The following CLN5 variants were observed in gnomAD, a reference collection of about 807,000 sequenced individuals.
CLN5 encodes bis(monoacylglycero)phosphate synthase CLN5.
A neutral mutation model predicts 36.7 loss-of-function variants in CLN5; 34 were observed. The observed-to-expected ratio is 0.93, with a 90% CI of 0.71 to 1.23. The LOEUF (loss-of-function observed/expected upper bound fraction) is 1.23, where lower values mean the gene tolerates loss of function less well. Ranked by LOEUF, CLN5 falls within the 50% of genes most tolerant of loss-of-function variation. CLN5 has a pLI of 0.00. For synonymous variants in CLN5, 151 were observed against 155.1 expected (o/e 0.97, Z 0.20); for missense variants, 427 against 439.4 (o/e 0.97, Z 0.25).
chr13:76,995,871 T>A (rs746585023), intron 2 of CLN5, 31 bp from the exon 3 acceptor site: 28 of 1,569,162 alleles, frequency 1.8e-5, no homozygotes, highest in Admixed American at 3.3e-5. Flanking sequence ...TGTGTCACAG[T>A]TGCTTTTATA....
In CLN5 at chr13:77,002,319, C is replaced by T. The variant is rs1443852098; in HGVS notation, c.*1350C>T. 6.6e-6 allele frequency: 1 copy of T among 152,144 alleles called. No homozygotes were observed. The allele number at this position is 152,144 out of a possible 1,614,324, so 9.4% of individuals were successfully genotyped here. ...GTAGTAATGAAGTCAGGTCTTGAAC[C>T]CCGGTTCTGCTGACTGAATTGGATG... On this transcript the variant is annotated 3_prime_UTR_variant, in exon 4 of 4. Coordinates refer to ENST00000377453, the MANE Select transcript of CLN5 (RefSeq NM_006493.4).
In CLN5 at chr13:77,002,828, A is replaced by G. The variant is rs905320621; in HGVS notation, c.*1859A>G. 1.3e-5 allele frequency: 2 copies of G among 152,186 alleles called. No homozygotes were observed. The highest frequency in any genetic ancestry group is 4.8e-5 in the African/African-American group (2 of 41,440). The allele number at this position is 152,186 out of a possible 1,614,324, so 9.4% of individuals were successfully genotyped here. A position where few individuals can be genotyped will look rare whatever the true frequency, so the allele number is the denominator to read the frequency against. The stretch of plus-strand genomic sequence containing the variant: ...ACACGAACTTCTACCAAACTCAGGA[A>G]ATTGCTCTGGAAAAACTACAGGATT... On this transcript the variant is annotated 3_prime_UTR_variant, in exon 4 of 4. Coordinates refer to ENST00000377453, the MANE Select transcript of CLN5 (RefSeq NM_006493.4).
Position 77,001,132 on chromosome 13 carries a change from G to C in CLN5, c.*163G>C, listed in dbSNP as rs994401189. On this transcript the variant is annotated 3_prime_UTR_variant, in exon 4 of 4. Coordinates refer to ENST00000377453, the MANE Select transcript of CLN5 (RefSeq NM_006493.4). ...ATTAACATCTCAGGACTCTTCTCTTGTAAAGAAGCTGAAATTCGTACTATA... is the reference window on the plus strand; with the variant it reads ...ATTAACATCTCAGGACTCTTCTCTTCTAAAGAAGCTGAAATTCGTACTATA... The C allele has an allele frequency of 1.7e-6, 1 of 602,882 alleles. No individual in the cohort carries two copies. The highest frequency in any genetic ancestry group is 1.9e-5 in the African/African-American group (1 of 53,550). The allele number at this position is 602,882 out of a possible 1,614,324, so 37.3% of individuals were successfully genotyped here.
At chr13:77,000,354 T>C in intron 3 of CLN5, 104 bp from the exon 4 acceptor site, 1 of 1,099,426 alleles carries the variant, frequency 9.1e-7, no homozygotes, top group East Asian at 2.6e-5. Flanking sequence ...CACCGCACTC[T>C]AGCCTCGGCA....
rs1409904698 is a variant in CLN5, at chr13:76,992,142, G to GGGGCGC, written c.53_58dup (p.Gly18_Ala19dup). 6.7e-5 allele frequency: 107 copies of GGGGCGC among 1,608,444 alleles called. 1 individual carries two copies. The highest frequency in any genetic ancestry group is 6.5e-5 in the Non-Finnish European group (76 of 1,178,114). On this transcript the variant is annotated inframe_insertion, in exon 1 of 4. Coordinates refer to ENST00000377453, the MANE Select transcript of CLN5 (RefSeq NM_006493.4). Reference sequence around the variant, plus strand: ...ACGGCACAGGGCGCCGAGATGCGGCGGGGCGCGGGCGCGGCTCGGGGACGC... The same window carrying GGGGCGC: ...ACGGCACAGGGCGCCGAGATGCGGCGGGGCGCGGGCGCGGGCGCGGCTCGGGGACGC...
Position 77,002,881 on chromosome 13 carries a change from A to G in CLN5, c.*1912A>G, listed in dbSNP as rs1027763992. On this transcript the variant is annotated 3_prime_UTR_variant, in exon 4 of 4. Transcript: ENST00000377453. ...GGATTTCCAGAACTGCCTTGAAGAG[A>G]CAAAGATTCTTGTACCAAGTTTTGG... 1 of 152,194 alleles carries G rather than the reference A, an allele frequency of 6.6e-6. No individual in the cohort carries two copies. Among genetic ancestry groups the G allele is most frequent in the African/African-American group, 2.4e-5 (1 of 41,450 alleles). 9.4% of individuals were successfully genotyped at this position (152,194 alleles called of 1,614,324 possible).
chr13:76,993,002 C>T (rs1323172461), intron 1 of CLN5: 1 of 152,182 alleles, frequency 6.6e-6, no homozygotes, highest in Non-Finnish European at 1.5e-5. Flanking sequence ...GGAGAAAGAC[C>T]AGCAGTTTTT....
At chr13:76,997,152 G>A (rs567814866) in intron 3 of CLN5, 3 of 124,614 alleles carry the variant, frequency 2.4e-5, no homozygotes, top group Admixed American at 7.3e-5. Flanking sequence ...TGTTGTTGTT[G>A]TTTGTTTGTT....
At chr13:76,997,967 G>A (rs2034296159) in intron 3 of CLN5, 1 of 152,194 alleles carries the variant, frequency 6.6e-6, no homozygotes, top group South Asian at 2.1e-4. Flanking sequence ...GCACTGTTCT[G>A]AGTACTGTAC....
At chr13:76,996,401 C>A in intron 3 of CLN5, 1 of 428,426 alleles carries the variant, frequency 2.3e-6, no homozygotes, top group South Asian at 2.2e-5. Context: ...CACCCATCAC[C>A]CGAGCAGTGT....
At position 76,992,262 on chromosome 13, in the gene CLN5, T is replaced by C. The variant is rs1314189866; in HGVS notation, c.164T>C (p.Val55Ala). Residue 55 changes from valine to alanine, a missense_variant, in exon 1 of 4, where the codon GTG becomes GCG. Transcript: ENST00000377453. ...SGIPSRRHWPVPYKRFDFRPK... is the reference protein window; with the variant it reads ...SGIPSRRHWPAPYKRFDFRPK... ...ATCCCCTCCCGGCGCCACTGGCCGG[T>C]GCCCTACAAGTGAGTGCGGCGGCGC... The C allele has an allele frequency of 6.6e-7, 1 of 1,517,274 alleles. No homozygotes were observed. The highest frequency in any genetic ancestry group is 8.8e-7 in the Non-Finnish European group (1 of 1,135,116). The allele number at this position is 1,517,274 out of a possible 1,614,324, so 94.0% of individuals were successfully genotyped here. A position where few individuals can be genotyped will look rare whatever the true frequency, so the allele number is the denominator to read the frequency against.
At chr13:76,992,929 C>G (rs1406794783) in intron 1 of CLN5, 1 of 152,286 alleles carries the variant, frequency 6.6e-6, no homozygotes, top group Non-Finnish European at 1.5e-5. Flanking sequence ...AGAGAAGACA[C>G]AGCCTCCGGC....
rs960856351 is a variant in CLN5 at position 77,002,379 on chromosome 13, T to C, written c.*1410T>C. 6.6e-6 allele frequency: 1 copy of C among 152,196 alleles called. No homozygotes were observed. Among genetic ancestry groups the C allele is most frequent in the Non-Finnish European group, 1.5e-5 (1 of 68,036 alleles). The allele number at this position is 152,196 out of a possible 1,614,324, so 9.4% of individuals were successfully genotyped here. A position where few individuals can be genotyped will look rare whatever the true frequency, so the allele number is the denominator to read the frequency against. ...ACAGGCTTTTAGCACCGAAGTGTGG[T>C]CCTCAGACCAGTGCCTGCCAACCAG... is the stretch of plus-strand genomic sequence containing the variant. On this transcript the variant is annotated 3_prime_UTR_variant, in exon 4 of 4. Coordinates refer to ENST00000377453, the MANE Select transcript of CLN5 (RefSeq NM_006493.4).
Position 77,000,524 on chromosome 13 carries a change from C to CA in CLN5, c.633dup (p.Trp212MetfsTer16). On this transcript the variant is annotated frameshift_variant, in exon 4 of 4. Transcript: ENST00000377453. LOFTEE classifies it high-confidence loss of function. ...AATGAAACAGGAATTTATTATGAGA[C>CA]ATGGAATGTAAAAGCCAGCCCAGAA... 1 of 1,613,690 alleles carries CA rather than the reference C, an allele frequency of 6.2e-7. No individual in the cohort carries two copies. The highest frequency in any genetic ancestry group is 1.1e-5 in the South Asian group (1 of 91,064).
At chr13:76,997,414 G>A (rs1318113358) in intron 3 of CLN5, 1 of 152,150 alleles carries the variant, frequency 6.6e-6, no homozygotes, top group Non-Finnish European at 1.5e-5. Flanking sequence ...CCAAAGTGCT[G>A]GGATTAAAGG....
At chr13:76,997,650 T>C (rs2034291653) in intron 3 of CLN5, 1 of 152,262 alleles carries the variant, frequency 6.6e-6, no homozygotes, top group African/African-American at 2.4e-5. Context: ...TTTGTTTTTG[T>C]TGCATTTGCT....
chr13:77,000,755 T>C lies in CLN5; in HGVS notation c.863T>C (p.Ile288Thr). The change falls in exon 4 of 4, where the codon ATA (isoleucine) becomes ACA (threonine). Residue 288 changes from isoleucine (I) to threonine (T), a missense_variant. Ile to Thr is a moderately conservative substitution (Grantham distance 89, BLOSUM62 -1). Coordinates refer to ENST00000377453, the MANE Select transcript of CLN5 (RefSeq NM_006493.4). ...PTGNKTLGLA[I>T]KRFYYPFKPH... The stretch of plus-strand genomic sequence containing the variant: ...GGAAACAAGACTCTTGGTTTAGCCA[T>C]AAAAAGATTTTATTACCCCTTCAAA... 6.2e-7 allele frequency: 1 copy of C among 1,614,090 alleles called. No individual in the cohort carries two copies. Among genetic ancestry groups the C allele is most frequent in the East Asian group, 2.2e-5 (1 of 44,874 alleles).
intron 3 of CLN5, chr13:76,997,318 T>A (rs901387750): frequency 1.3e-5 from 2 of 152,084 alleles, no homozygotes; most frequent in Non-Finnish European, 2.9e-5. Context: ...AGCTAATTTT[T>A]GTATTTTTAG....
rs1288914514 is a variant in CLN5 at position 76,992,345 on chromosome 13, G to A, written c.173+74G>A. The A allele has an allele frequency of 1.6e-5, 22 of 1,407,098 alleles. 1 individual carries two copies. The highest frequency in any genetic ancestry group is 2.7e-5 in the South Asian group (2 of 74,418). The allele number at this position is 1,407,098 out of a possible 1,614,324, so 87.2% of individuals were successfully genotyped here. A position where few individuals can be genotyped will look rare whatever the true frequency, so the allele number is the denominator to read the frequency against. On this transcript the variant is annotated intron_variant, in intron 1 of 3. Coordinates refer to ENST00000377453, the MANE Select transcript of CLN5 (RefSeq NM_006493.4). ...ATGGGGGATGGGGTGCTGGGGCGGG[G>A]ACCCCTGCTCACCGTGGTTTGTGTC... is the stretch of plus-strand genomic sequence containing the variant.
Sources: allele counts gnomAD v4.1 joint callset, GRCh38; gene constraint gnomAD v4.1.1; transcripts MANE v1.5; gene names NCBI Gene and HGNC (gene_info 2026-07-23, HGNC 2026-07-21).